Variants in PARD3 observed in about 807,000 individuals in gnomAD.
PARD3 encodes partitioning defective 3 homolog.
In PARD3, 75 loss-of-function variants were observed where a neutral mutation model predicts 155.4. The observed-to-expected ratio is 0.48, with a 90% CI of 0.40 to 0.58. The LOEUF (loss-of-function observed/expected upper bound fraction) is 0.58. PARD3 is among the 20% of genes least tolerant of loss of function. The pLI, the probability that PARD3 is intolerant of heterozygous loss-of-function variation, is 0.00. For synonymous variants in PARD3, 576 were observed against 610.5 expected (o/e 0.94, Z 0.83); for missense variants, 1,642 against 1,721.7 (o/e 0.95, Z 0.82).
intron 20 of PARD3, among the ~76,000 whole-genome samples, chr10:34,290,050 C>A (rs1474872718): frequency 6.6e-6 from 1 of 152,142 alleles, no homozygotes; most frequent in Non-Finnish European, 1.5e-5. Context: ...CAACATAATT[C>A]TCTCTGCAGT....
chr10:34,285,098 C>T (rs989338064), intron 20 of PARD3, among the ~76,000 whole-genome samples: 2 of 152,174 alleles, frequency 1.3e-5, no homozygotes, highest in Non-Finnish European at 2.9e-5. Context: ...AATGCATGCA[C>T]TCTATATCCA....
chr10:34,552,894 A>C (rs1353671366), intron 2 of PARD3, among the ~76,000 whole-genome samples: 1 of 152,220 alleles, frequency 6.6e-6, no homozygotes, highest in Non-Finnish European at 1.5e-5. Context: ...TTTGCATTTA[A>C]AACTGTAATT....
chr10:34,788,762 A>G (rs1841295975), intron 1 of PARD3, among the ~76,000 whole-genome samples: 1 of 152,168 alleles, frequency 6.6e-6, no homozygotes, highest in South Asian at 2.1e-4. Flanking sequence ...TATGATCAAA[A>G]TGAGACTGGA....
At chr10:34,137,878 A>G (rs1477773682) in intron 22 of PARD3, among the ~76,000 whole-genome samples, 1 of 152,216 alleles carries the variant, frequency 6.6e-6, no homozygotes, top group African/African-American at 2.4e-5. Context: ...GCAATTTGCT[A>G]TGTGACAGCA....
intron 12 of PARD3, among the ~76,000 whole-genome samples, chr10:34,370,963 A>G (rs573191436): frequency 6.6e-6 from 1 of 152,214 alleles, no homozygotes; most frequent in South Asian, 2.1e-4. Context: ...TACGTAAACT[A>G]TCCTTTTAAA....
chr10:34,226,526 G>A (rs1281694559), intron 22 of PARD3, among the ~76,000 whole-genome samples: 1 of 152,234 alleles, frequency 6.6e-6, no homozygotes, highest in Non-Finnish European at 1.5e-5. Context: ...CTCCAGCCTG[G>A]GGGAAAGAGC....
chr10:34,421,853 A>G (rs765490455), intron 5 of PARD3, among the ~76,000 whole-genome samples: 17 of 152,210 alleles, frequency 1.1e-4, no homozygotes, highest in Non-Finnish European at 2.1e-4. Context: ...TAAGGTAAGG[A>G]GACCTGGGAA....
intron 2 of PARD3, among the ~76,000 whole-genome samples, chr10:34,565,086 A>G (rs892659280): frequency 6.6e-6 from 1 of 151,672 alleles, no homozygotes; most frequent in Non-Finnish European, 1.5e-5. Flanking sequence ...TATAAAATGA[A>G]TAACATTAAA....
chr10:34,573,533 C>T (rs1369698075), intron 2 of PARD3, among the ~76,000 whole-genome samples: 2 of 152,120 alleles, frequency 1.3e-5, no homozygotes, highest in African/African-American at 2.4e-5. Flanking sequence ...AAAACACCAT[C>T]TCTACCAAAA....
chr10:34,197,861 C>T (rs1265814237), intron 22 of PARD3, among the ~76,000 whole-genome samples: 1 of 152,192 alleles, frequency 6.6e-6, no homozygotes, highest in Non-Finnish European at 1.5e-5. Flanking sequence ...TCCCGAGCAG[C>T]GGGGACTACA....
intron 22 of PARD3, among the ~76,000 whole-genome samples, chr10:34,196,766 G>A (rs1564473334): frequency 1.3e-5 from 2 of 151,618 alleles, no homozygotes; most frequent in East Asian, 1.9e-4. Context: ...GTAGAGACAG[G>A]GTTACACCGT....
intron 2 of PARD3, among the ~76,000 whole-genome samples, chr10:34,666,461 A>G (rs2093473377): frequency 6.6e-6 from 1 of 152,062 alleles, no homozygotes; most frequent in African/African-American, 2.4e-5. Flanking sequence ...TATTACCACT[A>G]GACTCTAGGT....
intron 1 of PARD3, among the ~76,000 whole-genome samples, chr10:34,723,696 A>C (rs1590821923): frequency 6.6e-6 from 1 of 152,206 alleles, no homozygotes; most frequent in Admixed American, 6.5e-5. Context: ...CGCCTAGGGA[A>C]AAAGCTCAAT....
intron 20 of PARD3, among the ~76,000 whole-genome samples, chr10:34,310,682 A>G (rs759466339): frequency 6.6e-5 from 10 of 152,258 alleles, no homozygotes; most frequent in Non-Finnish European, 1.2e-4. Flanking sequence ...CTTGAAGAAT[A>G]TGATATCAGC....
intron 1 of PARD3, among the ~76,000 whole-genome samples, chr10:34,772,655 G>A (rs189277208): frequency 1.3e-4 from 20 of 151,798 alleles, no homozygotes; most frequent in Non-Finnish European, 1.5e-4. Context: ...TTAGCCAAGC[G>A]TGGTGGTGGA....
chr10:34,790,690 T>G (rs890366323), intron 1 of PARD3, among the ~76,000 whole-genome samples: 1 of 152,264 alleles, frequency 6.6e-6, no homozygotes, highest in Non-Finnish European at 1.5e-5. Flanking sequence ...AAAGTTTTAT[T>G]GTAAGATTTG....
chr10:34,732,127 T>C (rs1814400218), intron 1 of PARD3, among the ~76,000 whole-genome samples: 1 of 152,158 alleles, frequency 6.6e-6, no homozygotes, highest in Non-Finnish European at 1.5e-5. Flanking sequence ...CATACCATCA[T>C]TGAGATATGC....
rs1311836019 is a variant in PARD3 at position 34,429,554 on chromosome 10, G to GTTTTGTTTT, written c.714+20754_714+20762dup. Among the ~76,000 whole-genome samples the GTTTTGTTTT allele has an allele frequency of 2.3e-4, 5 of 22,008 alleles. No individual in the cohort carries two copies. In the African/African-American group the frequency reaches 2.5e-3, roughly 11 times the overall value. 14.4% of individuals were successfully genotyped at this position (22,008 alleles called of 152,430 possible). ...AAGAATACAGCCCCACTCTAACTCA[G>GTTTTGTTTT]TTTTGTTTTGTTTTGTTTTGTTTTG... On this transcript the variant is annotated intron_variant, in intron 5 of 24. Transcript: ENST00000374788.
At chr10:34,304,966 C>T (rs1225687028) in intron 20 of PARD3, among the ~76,000 whole-genome samples, 1 of 152,152 alleles carries the variant, frequency 6.6e-6, no homozygotes, top group Non-Finnish European at 1.5e-5. Flanking sequence ...TCTAAATTAG[C>T]CAGGAGAGTG....
Sources: gnomAD v4.1 joint callset for allele counts (sites outside exome capture counted in the v4.1 genomes callset) on GRCh38, gnomAD v4.1.1 for gene constraint, MANE v1.5 for transcripts, NCBI Gene and HGNC (gene_info 2026-07-23, HGNC 2026-07-21) for gene names.